Variants in ADAM33 observed in about 807,000 individuals in gnomAD.
ADAM33 encodes the protein disintegrin and metalloproteinase domain-containing protein 33.
ADAM33 carries 103 observed loss-of-function variants against 106.2 expected under a neutral mutation model. The observed-to-expected ratio is 0.97, with a 90% confidence interval of 0.83 to 1.14. The LOEUF (loss-of-function observed/expected upper bound fraction) is 1.14. Among genes scored for constraint, ADAM33 ranks in the 50% most tolerant of loss-of-function variants. The pLI is 0.00. For synonymous variants in ADAM33, 483 were observed against 453.0 expected (o/e 1.07, Z -0.84); for missense variants, 1,120 against 1,096.6 (o/e 1.02, Z -0.30).
At chr20:3,673,038 C>CA in intron 11 of ADAM33, 140 bp from the exon 12 acceptor site, 1 of 1,435,166 alleles carries the variant, frequency 7.0e-7, no homozygotes, top group Admixed American at 2.8e-5. Flanking sequence ...CAAAGTCACA[C>CA]AACAAGCGGG....
intron 20 of ADAM33, 30 bp downstream of exon 20, chr20:3,669,516 C>A: frequency 6.4e-7 from 1 of 1,554,740 alleles, no homozygotes; most frequent in Admixed American, 2.0e-5. Context: ...TCTCCCTTCC[C>A]TCTCCACCTC....
rs763248965 is a variant in ADAM33 at position 3,674,827 on chromosome 20, C to T, written c.356G>A (p.Arg119Gln). The change falls in exon 5 of 22, where the codon CGA becomes CAA. Residue 119 changes from arginine to glutamine, a missense_variant. Physicochemically the swap from Arg to Gln is conservative, Grantham distance 43 (BLOSUM62 1). Coordinates refer to ENST00000356518, the MANE Select transcript of ADAM33 (RefSeq NM_025220.5). ...CCAGGAGTCGGGGAAGCCCCTTACT[C>T]GCCCTTGGTAGTGGCAATGATCCTA... ...NHTDHCHYQG[R>Q]VRGFPDSWVV... 1.7e-5 allele frequency: 27 copies of T among 1,611,212 alleles called. No individual in the cohort carries two copies. The African/African-American group carries it at 1.7e-4, about 10-fold the overall frequency.
chr20:3,669,452 A>C, intron 20 of ADAM33, 82 bp from the exon 21 acceptor site: 1 of 1,548,720 alleles, frequency 6.5e-7, no homozygotes, highest in Non-Finnish European at 8.7e-7. Context: ...AGGGGACTCA[A>C]GGTGACTGGG....
chr20:3,675,045 C>A lies in ADAM33; in HGVS notation c.315G>T (p.Val105=), dbSNP rs150237683. 9.2e-5 allele frequency: 148 copies of A among 1,613,330 alleles called. No individual in the cohort carries two copies. Among genetic ancestry groups the A allele is most frequent in the Non-Finnish European group, 1.2e-4 (146 of 1,179,904 alleles). The stretch of plus-strand genomic sequence containing the variant: ...ATCTCACCGTGTGGTTGGGGGCCAG[C>A]ACCACTGGCTGCCCATCTGGGCCGT... The part of the protein sequence containing the change: ...THYGPDGQPV[V]LAPNHTDHCH... Residue 105 remains valine (V), a synonymous_variant, in exon 4 of 22, where the codon GTG becomes GTT. Transcript: ENST00000356518. The surrounding 1 kb of genome is among the most constrained non-coding windows in gnomAD (Gnocchi z 4.1).
chr20:3,680,952 C>T (rs1600260943), intron 1 of ADAM33, among the ~76,000 whole-genome samples: 1 of 152,132 alleles, frequency 6.6e-6, no homozygotes, highest in Admixed American at 6.5e-5. Context: ...CACATAGACG[C>T]CCCTCTCCCA....
rs751065404 is a variant in ADAM33 at position 3,672,782 on chromosome 20, G to C, written c.1250C>G (p.Pro417Arg). 1.7e-5 allele frequency: 27 copies of C among 1,570,688 alleles called. No individual in the cohort carries two copies. In the South Asian group the frequency reaches 3.1e-4, roughly 18 times the overall value. The change falls in exon 12 of 22, where the codon CCG becomes CGG. Residue 417 changes from proline to arginine, a missense_variant. Physicochemically the swap from Pro to Arg is moderately radical, Grantham distance 103. Coordinates refer to ENST00000356518, the MANE Select transcript of ADAM33 (RefSeq NM_025220.5). The stretch of plus-strand genomic sequence containing the variant: ...CACGAAGCCGTTCCCGCAGAGCGCC[G>C]GCGGCACCGGGAGTCCGGGGTCCGG... ...NAPDPGLPVP[P>R]ALCGNGFVEA...
chr20:3,673,904 C>T lies in ADAM33; in HGVS notation c.746G>A (p.Arg249Lys), dbSNP rs368688812. 6.4e-7 allele frequency: 1 copy of T among 1,566,978 alleles called. No homozygotes were observed. The highest frequency in any genetic ancestry group is 8.6e-7 in the Non-Finnish European group (1 of 1,162,614). Residue 249 changes from arginine (R) to lysine (K), a missense_variant, in exon 9 of 22, where the codon AGG (arginine) becomes AAG (lysine). Coordinates refer to ENST00000356518, the MANE Select transcript of ADAM33 (RefSeq NM_025220.5). ...EVANYVDQLL[R>K]TLDIQVALTG... ...CAGCGCCACCTGAATGTCCAGAGTCCTGAGAAGCTGAGGGCGAGGCGGGGC... is the reference window on the plus strand; with the variant it reads ...CAGCGCCACCTGAATGTCCAGAGTCTTGAGAAGCTGAGGGCGAGGCGGGGC...
chr20:3,668,472 A>T lies in ADAM33; in HGVS notation c.*491T>A. The stretch of plus-strand genomic sequence containing the variant: ...ACAGGGTGGGAAGAAACAGGAAGGA[A>T]GGTCCCCAAAATTATGTTTGTTTGC... On this transcript the variant is annotated 3_prime_UTR_variant, in exon 22 of 22. Coordinates refer to ENST00000356518, the MANE Select transcript of ADAM33 (RefSeq NM_025220.5). The T allele has an allele frequency of 5.7e-6, 1 of 175,312 alleles. No homozygotes were observed. The highest frequency in any genetic ancestry group is 1.5e-4 in the South Asian group (1 of 6,826). The allele number at this position is 175,312 out of a possible 1,614,324, so 10.9% of individuals were successfully genotyped here.
In ADAM33 at chr20:3,671,465, G is replaced by A. The variant is rs1248584848; in HGVS notation, c.1937C>T (p.Ala646Val). The change falls in exon 17 of 22, where the codon GCC (alanine) becomes GTC (valine). Residue 646 changes from alanine to valine, a missense_variant. Coordinates refer to ENST00000356518, the MANE Select transcript of ADAM33 (RefSeq NM_025220.5). ...CAGGCAGCGCTGAAGCTCCTGGAAG[G>A]CATTCTTCCTGCAGCGCCTGCTCTG... ...VCQSRRCRKN[A>V]FQELQRCLTA... is the part of the protein sequence containing the mutation. 1.2e-6 allele frequency: 2 copies of A among 1,611,684 alleles called. No homozygotes were observed. Among genetic ancestry groups the A allele is most frequent in the Non-Finnish European group, 8.5e-7 (1 of 1,178,784 alleles).
rs1220277253 is a variant in ADAM33, at chr20:3,674,231, T to C, written c.654A>G (p.Ala218=). Residue 218 remains alanine (A), a synonymous_variant, in exon 7 of 22, where the codon GCA becomes GCG. Transcript: ENST00000356518. ...GGTCTCTCCTCACCAGGGTGTGGTCTGCCACAATGTACAGTTCCAGGTACT... is the reference window on the plus strand; with the variant it reads ...GGTCTCTCCTCACCAGGGTGTGGTCCGCCACAATGTACAGTTCCAGGTACT... The part of the protein sequence containing the change: ...TRKYLELYIV[A]DHTLFLTRHR... 3 of 1,613,994 alleles carry C rather than the reference T, an allele frequency of 1.9e-6. No homozygotes were observed. The highest frequency in any genetic ancestry group is 3.3e-5 in the Admixed American group (2 of 60,010).
Position 3,673,753 on chromosome 20 carries a change from C to T in ADAM33, c.897G>A (p.Gln299=), listed in dbSNP as rs778895337. 4 of 1,512,838 alleles carry T rather than the reference C, an allele frequency of 2.6e-6. No individual in the cohort carries two copies. The highest frequency in any genetic ancestry group is 2.8e-5 in the African/African-American group (2 of 71,624). The allele number at this position is 1,512,838 out of a possible 1,614,324, so 93.7% of individuals were successfully genotyped here. A position where few individuals can be genotyped will look rare whatever the true frequency, so the allele number is the denominator to read the frequency against. ...GGGTCAGAGGCACCCACGTGAGCAG[C>T]TGCGCGGAGTCGTGGGGCCGCTGCG... ...LWAQRPHDSA[Q]LLTGRAFQGA... Residue 299 remains glutamine, a synonymous_variant, in exon 9 of 22, where the codon CAG becomes CAA. Coordinates refer to ENST00000356518, the MANE Select transcript of ADAM33 (RefSeq NM_025220.5).
chr20:3,675,223 G>T lies in ADAM33; in HGVS notation c.255-118C>A. ...CAGCTTTATGAGTGAGACACTCACA[G>T]TGTGTCTTAGGGAAGGGACAGGAGC... is the stretch of plus-strand genomic sequence containing the variant. On this transcript the variant is annotated intron_variant, in intron 3 of 21. Transcript: ENST00000356518. This position sits in a 1 kb window ranked among gnomAD's most constrained non-coding sequence, Gnocchi z 4.1. The T allele has an allele frequency of 1.3e-6, 1 of 742,576 alleles. No individual in the cohort carries two copies. Among genetic ancestry groups the T allele is most frequent in the Non-Finnish European group, 2.3e-6 (1 of 434,274 alleles). 46.0% of individuals were successfully genotyped at this position (742,576 alleles called of 1,614,324 possible).
intron 3 of ADAM33, among the ~76,000 whole-genome samples, chr20:3,676,588 C>A (rs953545238): frequency 1.3e-5 from 2 of 151,986 alleles, no homozygotes; most frequent in African/African-American, 4.8e-5. Flanking sequence ...ACAGGCGCCG[C>A]CACCACGCCT....
chr20:3,669,925 C>T (rs1314831773), intron 19 of ADAM33: 5 of 553,586 alleles, frequency 9.0e-6, no homozygotes, highest in African/African-American at 5.7e-5. Context: ...ATGCTGGCAT[C>T]GCTCAGCTTC....
In ADAM33 at chr20:3,671,646, T is replaced by C; in HGVS notation, c.1840A>G (p.Ser614Gly). The C allele has an allele frequency of 6.3e-7, 1 of 1,579,138 alleles. No homozygotes were observed. The highest frequency in any genetic ancestry group is 1.1e-5 in the South Asian group (1 of 87,450). The change falls in exon 16 of 22, where the codon AGT (serine) becomes GGT (glycine). Residue 614 changes from serine to glycine, a missense_variant. Transcript: ENST00000356518. ...AGGCCAAGCAGGTCCAGCTGGGCAC[T>C]GGGGAGTGCCAAGGCTCCCCGACAA... is the stretch of plus-strand genomic sequence containing the variant. ...VTCRGALALP[S>G]AQLDLLGLGL...
At chr20:3,669,737 A>G (rs1163266695) in intron 19 of ADAM33, 100 bp from the exon 20 acceptor site, 1 of 1,127,306 alleles carries the variant, frequency 8.9e-7, no homozygotes, top group East Asian at 2.6e-5. Context: ...TTCTGCGTTT[A>G]CTGAGTTTCT....
chr20:3,670,247 C>T (rs922586699), intron 19 of ADAM33: 7 of 165,624 alleles, frequency 4.2e-5, no homozygotes, highest in Admixed American at 1.8e-4. Context: ...AGCTGCCACC[C>T]GGGGCCCAGG....
At chr20:3,669,804 G>A in intron 19 of ADAM33, 167 bp from the exon 20 acceptor site, 1 of 720,060 alleles carries the variant, frequency 1.4e-6, no homozygotes, top group Non-Finnish European at 2.5e-6. Flanking sequence ...TCCCTCTTCA[G>A]GGGAGCCTTG....
Position 3,674,228 on chromosome 20 carries a change from G to T in ADAM33, c.657C>A (p.Asp219Glu), listed in dbSNP as rs2087781824. The stretch of plus-strand genomic sequence containing the variant: ...TGGGGTCTCTCCTCACCAGGGTGTG[G>T]TCTGCCACAATGTACAGTTCCAGGT... Reference protein sequence around the residue: ...RKYLELYIVADHTLFLTRHRN... With the variant: ...RKYLELYIVAEHTLFLTRHRN... Residue 219 changes from aspartate to glutamate, a missense_variant, in exon 7 of 22, where the codon GAC becomes GAA. Transcript: ENST00000356518. 1 of 1,614,094 alleles carries T rather than the reference G, an allele frequency of 6.2e-7. No homozygotes were observed.
Sources: allele counts gnomAD v4.1 joint callset (sites outside exome capture counted in the v4.1 genomes callset), GRCh38; gene constraint gnomAD v4.1.1; non-coding constraint Gnocchi (gnomAD v3.1); transcripts MANE v1.5; gene names NCBI Gene and HGNC (gene_info 2026-07-23, HGNC 2026-07-21).